The following CLVS1 variants were observed in gnomAD, a reference collection of about 807,000 sequenced individuals.
The protein encoded by CLVS1 is clavesin 1.
Under a neutral mutation model 33.1 loss-of-function variants are expected in CLVS1, and 10 were observed. The ratio of observed to expected loss-of-function variants is 0.30; its 90% confidence interval spans 0.19 to 0.51. CLVS1 has a LOEUF of 0.51. Ranked by LOEUF, CLVS1 falls within the 20% of genes least tolerant of loss-of-function variation. The probability of loss-of-function intolerance (pLI) is 0.97; values close to 1 mark genes in which losing one functional copy is unlikely to be tolerated. For missense variants in CLVS1, 343 were observed against 433.4 expected, an observed-to-expected ratio of 0.79 and a Z score of 1.85; for synonymous variants, 163 against 166.1, an observed-to-expected ratio of 0.98 and a Z score of 0.14.
chr8:61,378,780 G>A (rs2196897), intron 3 of CLVS1, among the ~76,000 whole-genome samples: 2 of 152,144 alleles, frequency 1.3e-5, no homozygotes, highest in African/African-American at 4.8e-5. Context: ...TCTCACTTCA[G>A]GCTATCTGCT....
At chr8:61,267,894 T>C (rs1809344251) in intron 2 of CLVS1, among the ~76,000 whole-genome samples, 1 of 152,212 alleles carries the variant, frequency 6.6e-6, no homozygotes, top group African/African-American at 2.4e-5. Flanking sequence ...TATTAAGAAA[T>C]CTTTTTCAAA....
intron 2 of CLVS1, chr8:61,202,358 A>T: frequency 2.7e-6 from 2 of 743,442 alleles, no homozygotes; most frequent in Non-Finnish European, 5.0e-6. Flanking sequence ...CCGATGGAAG[A>T]TCTGATGGAC....
intron 2 of CLVS1, among the ~76,000 whole-genome samples, chr8:61,348,498 ATAACT>A (rs1812320149): frequency 6.6e-6 from 1 of 152,102 alleles, no homozygotes; most frequent in African/African-American, 2.4e-5. Context: ...AATAATAATA[ATAACT>A]TATCATAACG....
intron 2 of CLVS1, among the ~76,000 whole-genome samples, chr8:61,178,063 A>G (rs1300267755): frequency 1.3e-5 from 2 of 152,204 alleles, no homozygotes; most frequent in African/African-American, 4.8e-5. Context: ...GTAAAGGAAC[A>G]TGCTCTAACT....
intron 2 of CLVS1, among the ~76,000 whole-genome samples, chr8:61,150,014 C>T (rs1806496107): frequency 6.6e-6 from 1 of 151,982 alleles, no homozygotes; most frequent in Non-Finnish European, 1.5e-5. Flanking sequence ...CAGAATCTGT[C>T]ACTATCACAA....
intron 3 of CLVS1, among the ~76,000 whole-genome samples, chr8:61,450,512 T>A (rs111342055): frequency 6.6e-6 from 1 of 152,184 alleles, no homozygotes; most frequent in Non-Finnish European, 1.5e-5. Flanking sequence ...GTCACTAAAG[T>A]ACACTTTAAA....
At chr8:61,255,465 A>G (rs1174307061) in intron 2 of CLVS1, among the ~76,000 whole-genome samples, 3 of 152,232 alleles carry the variant, frequency 2.0e-5, no homozygotes, top group African/African-American at 7.2e-5. Flanking sequence ...CAGTGCCAGC[A>G]GAAGTCGAAT....
chr8:61,305,213 ATTTGT>A (rs1810577062), intron 2 of CLVS1, among the ~76,000 whole-genome samples: 1 of 151,974 alleles, frequency 6.6e-6, no homozygotes, highest in Admixed American at 6.6e-5. Flanking sequence ...TTTTGTAATA[ATTTGT>A]TATTGAGGTA....
intron 2 of CLVS1, among the ~76,000 whole-genome samples, chr8:61,348,790 AC>A (rs1242025028): frequency 6.6e-6 from 1 of 152,110 alleles, no homozygotes; most frequent in South Asian, 2.1e-4. Context: ...TTTTTGAGGA[AC>A]TTTTGTACTG....
At chr8:61,080,177 AC>A (rs1804996225) in intron 1 of CLVS1, among the ~76,000 whole-genome samples, 1 of 152,228 alleles carries the variant, frequency 6.6e-6, no homozygotes, top group South Asian at 2.1e-4. Flanking sequence ...ACAAAACAAA[AC>A]AAAAGTGGCT....
intron 2 of CLVS1, among the ~76,000 whole-genome samples, chr8:61,167,581 C>G (rs190168994): frequency 6.6e-6 from 1 of 152,264 alleles, no homozygotes; most frequent in Non-Finnish European, 1.5e-5. Flanking sequence ...AGAGTTCTGT[C>G]AGAGGCGTTT....
At chr8:61,462,474 T>C (rs1241373237) in intron 5 of CLVS1, among the ~76,000 whole-genome samples, 5 of 152,154 alleles carry the variant, frequency 3.3e-5, no homozygotes, top group Non-Finnish European at 7.3e-5. Flanking sequence ...AACCTCTGCC[T>C]CCCACGTTCA....
At chr8:61,454,272 A>G in intron 4 of CLVS1, 21 bp downstream of exon 4, 32 of 1,538,730 alleles carry the variant, frequency 2.1e-5, no homozygotes, top group Non-Finnish European at 2.8e-5. Flanking sequence ...CAAATGCATC[A>G]TGTAAATTCC....
At chr8:61,132,051 G>A (rs2129291349) in intron 2 of CLVS1, among the ~76,000 whole-genome samples, 1 of 152,362 alleles carries the variant, frequency 6.6e-6, no homozygotes, top group South Asian at 2.1e-4. Context: ...CATCAAGGGT[G>A]CCAAGTGAGC....
intron 1 of CLVS1, among the ~76,000 whole-genome samples, chr8:61,082,282 A>G (rs1805034437): frequency 6.6e-6 from 1 of 152,232 alleles, no homozygotes; most frequent in African/African-American, 2.4e-5. Context: ...AAAAAGGCAC[A>G]GTATATGTAA....
the CLVS1 span, among the ~76,000 whole-genome samples, chr8:60,993,520 C>A: frequency 1.3e-5 from 2 of 152,362 alleles, no homozygotes; most frequent in Non-Finnish European, 1.5e-5. Context: ...ATGGGCATAA[C>A]AACCATCCTG....
chr8:61,462,379 GT>G (rs1817398510), intron 5 of CLVS1, among the ~76,000 whole-genome samples: 1 of 152,052 alleles, frequency 6.6e-6, no homozygotes, highest in Non-Finnish European at 1.5e-5. Flanking sequence ...TTGTTTGTTT[GT>G]TTTGTTTTGT....
At chr8:61,218,868 C>A (rs529503193) in intron 2 of CLVS1, among the ~76,000 whole-genome samples, 6 of 151,868 alleles carry the variant, frequency 4.0e-5, no homozygotes, top group Non-Finnish European at 8.8e-5. Flanking sequence ...CGCTTGAACC[C>A]GGGAGGTGGA....
chr8:61,187,117 C>T (rs965194167), intron 2 of CLVS1, among the ~76,000 whole-genome samples: 1 of 130,716 alleles, frequency 7.7e-6, no homozygotes, highest in East Asian at 1.9e-4. Flanking sequence ...CAAACATTTT[C>T]CAAGGCATTG....
Sources: allele counts gnomAD v4.1 joint callset (sites outside exome capture counted in the v4.1 genomes callset), GRCh38; gene constraint gnomAD v4.1.1; transcripts MANE v1.5; gene names NCBI Gene and HGNC (gene_info 2026-07-23, HGNC 2026-07-21).